The following PHF20L1 variants were observed in gnomAD, a reference collection of about 807,000 sequenced individuals.
The protein encoded by PHF20L1 is PHD finger protein 20-like protein 1.
PHF20L1 carries 44 observed loss-of-function variants against 125.5 expected under a neutral mutation model. The observed-to-expected ratio is 0.35, with a 90% confidence interval of 0.28 to 0.45. The LOEUF (loss-of-function observed/expected upper bound fraction) is 0.45, where lower values mean the gene tolerates loss of function less well. PHF20L1 is among the 20% of genes least tolerant of loss of function. The pLI, the probability that PHF20L1 is intolerant of heterozygous loss-of-function variation, is 1.00. For missense variants in PHF20L1, 1,012 were observed against 1,217.2 expected, an observed-to-expected ratio of 0.83 and a Z score of 2.51; for synonymous variants, 380 against 403.1, an observed-to-expected ratio of 0.94 and a Z score of 0.69.
chr8:132,840,253 A>C (rs1837792808), intron 18 of PHF20L1, among the ~76,000 whole-genome samples: 1 of 152,086 alleles, frequency 6.6e-6, no homozygotes, highest in Admixed American at 6.6e-5. Flanking sequence ...TCGGCCAGAC[A>C]CTTGTCCCAT....
intron 20 of PHF20L1, 133 bp from the exon 21 acceptor site, chr8:132,845,648 T>A: frequency 1.5e-6 from 1 of 645,702 alleles, no homozygotes; most frequent in Non-Finnish European, 2.8e-6. Context: ...GGAAATGTCT[T>A]GAGTATGTTG....
intron 2 of PHF20L1, among the ~76,000 whole-genome samples, chr8:132,785,169 G>C (rs527651697): frequency 6.6e-6 from 1 of 152,212 alleles, no homozygotes; most frequent in East Asian, 1.9e-4. Flanking sequence ...CAGCCATCAC[G>C]TATCACACAC....
intron 19 of PHF20L1, chr8:132,843,475 A>G: frequency 3.1e-6 from 3 of 979,938 alleles, no homozygotes; most frequent in Non-Finnish European, 3.6e-6. Context: ...TTAACAAGTA[A>G]TTACCATAAA....
intron 15 of PHF20L1, among the ~76,000 whole-genome samples, chr8:132,832,782 T>C (rs540836922): frequency 3.0e-4 from 45 of 152,274 alleles, no homozygotes; most frequent in African/African-American, 1.1e-3. Context: ...AACCAAGGTC[T>C]GTCTTAACTC....
intron 12 of PHF20L1, among the ~76,000 whole-genome samples, chr8:132,819,549 G>A (rs1423132102): frequency 2.6e-5 from 4 of 151,462 alleles, no homozygotes; most frequent in Non-Finnish European, 5.9e-5. Flanking sequence ...ATTCTCGGTG[G>A]TCTCTATGCT....
intron 2 of PHF20L1, among the ~76,000 whole-genome samples, chr8:132,780,107 G>A (rs941810221): frequency 2.6e-5 from 4 of 152,008 alleles, no homozygotes; most frequent in Admixed American, 2.0e-4. Flanking sequence ...TAAGAATATT[G>A]TATATATGTA....
intron 9 of PHF20L1, chr8:132,812,432 C>T (rs1834503315): frequency 2.0e-6 from 2 of 984,816 alleles, no homozygotes; most frequent in East Asian, 1.1e-4. Flanking sequence ...GAGAGAAGTA[C>T]AGAAAACCAC....
intron 19 of PHF20L1, chr8:132,843,740 G>C (rs1563859847): frequency 1.0e-6 from 1 of 984,674 alleles, no homozygotes. Context: ...TAGTTAATTA[G>C]ATTTTATACT....
chr8:132,779,109 A>T (rs1171428742), intron 2 of PHF20L1, among the ~76,000 whole-genome samples: 6 of 152,210 alleles, frequency 3.9e-5, no homozygotes, highest in Non-Finnish European at 8.8e-5. Context: ...CAGCTTAATG[A>T]CCTCTTGTTT....
At chr8:132,821,772 C>CT (rs1458034305) in intron 12 of PHF20L1, among the ~76,000 whole-genome samples, 2 of 151,908 alleles carry the variant, frequency 1.3e-5, no homozygotes, top group Non-Finnish European at 2.9e-5. Flanking sequence ...CTCTCTGACT[C>CT]TAACTAGAGT....
chr8:132,777,476 TC>T (rs1199401096), intron 1 of PHF20L1, among the ~76,000 whole-genome samples: 1 of 152,248 alleles, frequency 6.6e-6, no homozygotes, highest in African/African-American at 2.4e-5. Flanking sequence ...TGGAGAATTT[TC>T]TTGGGTATCT....
intron 9 of PHF20L1, chr8:132,811,938 C>G: frequency 1.0e-6 from 1 of 978,510 alleles, no homozygotes; most frequent in Non-Finnish European, 1.2e-6. Context: ...GTATCTTTTG[C>G]TCTCCTCTAG....
intron 10 of PHF20L1, chr8:132,816,414 GT>G (rs1417332741): frequency 6.6e-6 from 1 of 151,534 alleles, no homozygotes; most frequent in East Asian, 1.9e-4. Context: ...TTACATTAGT[GT>G]AAAGTAAATC....
At chr8:132,776,150 CTTACTT>C (rs1829723566) in intron 1 of PHF20L1, among the ~76,000 whole-genome samples, 1 of 152,188 alleles carries the variant, frequency 6.6e-6, no homozygotes, top group Non-Finnish European at 1.5e-5. Flanking sequence ...AGTAGACTGT[CTTACTT>C]TATGAAAGTT....
At chr8:132,810,286 T>G (rs1407936005) in intron 8 of PHF20L1, 1 of 151,994 alleles carries the variant, frequency 6.6e-6, no homozygotes, top group Non-Finnish European at 1.5e-5. Context: ...TCAAGTGATC[T>G]GCCCGCCTCG....
At position 132,775,406 on chromosome 8, in the gene PHF20L1, A is replaced by AGGCGGAGGC. The variant is rs1463820456; in HGVS notation, c.-272_-271insAGGCGGCGG. The AGGCGGAGGC allele has an allele frequency of 2.6e-6, 1 of 381,230 alleles. No individual in the cohort carries two copies. Among genetic ancestry groups the AGGCGGAGGC allele is most frequent in the Non-Finnish European group, 4.6e-6 (1 of 217,542 alleles). 23.6% of individuals were successfully genotyped at this position (381,230 alleles called of 1,614,324 possible). A position where few individuals can be genotyped will look rare whatever the true frequency, so the allele number is the denominator to read the frequency against. On this transcript the variant is annotated 5_prime_UTR_variant, in exon 1 of 21. Transcript: ENST00000395386. ...TCGCGTCAGGGCTGGCCGGCGGCGGAGGCGGCGGCGGCGGCGGCGATGGCA... is the reference window on the plus strand; with the variant it reads ...TCGCGTCAGGGCTGGCCGGCGGCGGAGGCGGAGGCGGCGGCGGCGGCGGCGGCGATGGCA...
rs1246164851 is a variant in PHF20L1, at chr8:132,817,555, A to G, written c.1579+10A>G. 3.1e-6 allele frequency: 5 copies of G among 1,595,478 alleles called. No homozygotes were observed. The African/African-American group carries it at 5.4e-5, about 17-fold the overall frequency. On this transcript the variant is annotated intron_variant, in intron 12 of 20. Transcript: ENST00000395386. ...GCTCCAGCAGCAGCAGGTAAAAGAAAAAAAATAAAGGCTCCTATAAGTAGA... is the reference window on the plus strand; with the variant it reads ...GCTCCAGCAGCAGCAGGTAAAAGAAGAAAAATAAAGGCTCCTATAAGTAGA...
chr8:132,797,804 A>G (rs1292390881), intron 4 of PHF20L1, among the ~76,000 whole-genome samples: 6 of 151,968 alleles, frequency 3.9e-5, no homozygotes, highest in Admixed American at 2.6e-4. Flanking sequence ...TTTGGTGCCA[A>G]CCCCAAGGAC....
rs1835643828 is a variant in PHF20L1, at chr8:132,821,887, C to CT, written c.1580-2116dup. Among the ~76,000 whole-genome samples the CT allele has an allele frequency of 2.0e-5, 3 of 151,760 alleles. 1 individual carries two copies. In the South Asian group the frequency reaches 6.2e-4, roughly 31 times the overall value. ...AAAATTTAGTTTAAAAATTACTATT[C>CT]TACAAACTAATGTTCTGGTACTTTG... is the stretch of plus-strand genomic sequence containing the variant. On this transcript the variant is annotated intron_variant, in intron 12 of 20. Coordinates refer to ENST00000395386, the MANE Select transcript of PHF20L1 (RefSeq NM_016018.5).
Sources: allele counts gnomAD v4.1 joint callset (sites outside exome capture counted in the v4.1 genomes callset), GRCh38; gene constraint gnomAD v4.1.1; transcripts MANE v1.5; gene names NCBI Gene and HGNC (gene_info 2026-07-23, HGNC 2026-07-21).